Variants in SRSF5 observed in about 807,000 individuals in gnomAD.
SRSF5 encodes the protein serine and arginine rich splicing factor 5.
A neutral mutation model predicts 34.0 loss-of-function variants in SRSF5; 5 were observed. The observed-to-expected ratio is 0.15, with a 90% confidence interval of 0.08 to 0.31. The LOEUF is 0.31. SRSF5 is among the 10% of genes least tolerant of loss of function. The probability of loss-of-function intolerance (pLI) is 1.00; values close to 1 mark genes in which losing one functional copy is unlikely to be tolerated. For missense variants in SRSF5, 223 were observed against 351.4 expected, an observed-to-expected ratio of 0.63 and a Z score of 2.92; for synonymous variants, 164 against 117.7, an observed-to-expected ratio of 1.39 and a Z score of -2.55.
chr14:69,770,334 C>T (rs917639266), intron 5 of SRSF5, 133 bp from the exon 6 acceptor site: 1 of 1,448,076 alleles, frequency 6.9e-7, no homozygotes, highest in Non-Finnish European at 9.1e-7. Flanking sequence ...TGATAGAATA[C>T]AAGTGTGGTA....
intron 2 of SRSF5, 59 bp downstream of exon 2, chr14:69,768,341 T>G: frequency 1.2e-6 from 2 of 1,600,306 alleles, no homozygotes; most frequent in Non-Finnish European, 1.7e-6. Flanking sequence ...GATAAGCAGT[T>G]GTTTTCGATC....
chr14:69,770,185 G>GTT, intron 5 of SRSF5: 6 of 1,092,708 alleles, frequency 5.5e-6, no homozygotes, highest in East Asian at 5.3e-5. Context: ...TTTTTTGTTT[G>GTT]TTTTTTTTTC....
At chr14:69,770,835 G>A in intron 6 of SRSF5, 160 bp from the exon 7 acceptor site, 1 of 721,946 alleles carries the variant, frequency 1.4e-6, no homozygotes, top group Non-Finnish European at 2.3e-6. Context: ...AAGTATAACA[G>A]TGCCAAAACT....
chr14:69,771,651 TTAAA>T lies in SRSF5; in HGVS notation c.*192_*195del. ...AAGGGGTTGTTGAAAACTAATTGTA[TTAAA>T]TGTCTTTTGATAAGCCTTCTGCTCA... On this transcript the variant is annotated 3_prime_UTR_variant, in exon 8 of 8. Transcript: ENST00000557154. The T allele has an allele frequency of 3.1e-6, 2 of 643,994 alleles. No individual in the cohort carries two copies. Among genetic ancestry groups the T allele is most frequent in the Non-Finnish European group, 5.2e-6 (2 of 386,462 alleles). 39.9% of individuals were successfully genotyped at this position (643,994 alleles called of 1,614,324 possible).
At chr14:69,768,039 T>C (rs945795143) in intron 1 of SRSF5, 99 bp from the exon 2 acceptor site, 2 of 1,354,648 alleles carry the variant, frequency 1.5e-6, no homozygotes, top group African/African-American at 1.4e-5. Context: ...ATAACATCAC[T>C]GTGTAAACAT....
At position 69,770,547 on chromosome 14, in the gene SRSF5, A is replaced by T; in HGVS notation, c.440+7A>T. On this transcript the variant is annotated splice_region_variant and intron_variant, in intron 6 of 7. Coordinates refer to ENST00000557154, the MANE Select transcript of SRSF5 (RefSeq NM_001320214.2). ...GACCTAAATTAAATGAAGGGTATGT[A>T]CTGGAAACTGTGAAAGTCTTTAAAA... 6.2e-7 allele frequency: 1 copy of T among 1,609,954 alleles called. No individual in the cohort carries two copies. Among genetic ancestry groups the T allele is most frequent in the Non-Finnish European group, 8.5e-7 (1 of 1,177,814 alleles).
chr14:69,769,817 T>G, intron 5 of SRSF5: 1 of 1,328,114 alleles, frequency 7.5e-7, no homozygotes, highest in Non-Finnish European at 9.6e-7. Context: ...AGGTGGTCGT[T>G]GGAATCCTGA....
intron 5 of SRSF5, chr14:69,769,755 T>TA: frequency 7.3e-7 from 1 of 1,371,704 alleles, no homozygotes; most frequent in African/African-American, 1.5e-5. Flanking sequence ...TGTCTTCCTG[T>TA]AACGCTTCCG....
At chr14:69,770,853 T>G (rs1453511199) in intron 6 of SRSF5, 142 bp from the exon 7 acceptor site, 1 of 811,580 alleles carries the variant, frequency 1.2e-6, no homozygotes, top group Non-Finnish European at 1.9e-6. Flanking sequence ...ACTTTGCTCT[T>G]TTAATGCTGT....
rs757537416 is a variant in SRSF5 at position 69,768,597 on chromosome 14, A to G, written c.127-7A>G. ...CCAATGTTAAGAGTCTTATGCTTAC[A>G]TTTTAGGAATTTGAGGATCCAAGGG... On this transcript the variant is annotated splice_polypyrimidine_tract_variant and splice_region_variant and intron_variant, in intron 2 of 7. Transcript: ENST00000557154. 4 of 1,613,852 alleles carry G rather than the reference A, an allele frequency of 2.5e-6. No homozygotes were observed. Among genetic ancestry groups the G allele is most frequent in the African/African-American group, 2.7e-5 (2 of 74,926 alleles).
At position 69,771,363 on chromosome 14, in the gene SRSF5, A is replaced by C; in HGVS notation, c.721A>C (p.Lys241Gln). The C allele has an allele frequency of 6.2e-7, 1 of 1,614,202 alleles. No individual in the cohort carries two copies. The highest frequency in any genetic ancestry group is 8.5e-7 in the Non-Finnish European group (1 of 1,180,034). ...SRSPVPEKSQ[K>Q]RGSSSRSKSP... is the part of the protein sequence containing the mutation. ...GTCTCCCGTGCCTGAGAAGAGCCAG[A>C]AACGTGGTTCTTCAAGTAGATCTAA... The change falls in exon 8 of 8, where the codon AAA (lysine) becomes CAA (glutamine). Residue 241 changes from lysine (K) to glutamine (Q), a missense_variant. Around this residue, in one of 4 missense-constraint regions of SRSF5, gnomAD observed 115 missense variants for 119.7 expected, o/e 0.96. Coordinates refer to ENST00000557154, the MANE Select transcript of SRSF5 (RefSeq NM_001320214.2).
Position 69,767,146 on chromosome 14 carries a change from G to A in SRSF5, c.-129G>A, listed in dbSNP as rs1431241983. Reference sequence around the variant, plus strand: ...AGCGCCAGAGCTGCTAAGTGCGTCAGTTGTGGAGTGGCGTAGACGAGTTAA... The same window carrying A: ...AGCGCCAGAGCTGCTAAGTGCGTCAATTGTGGAGTGGCGTAGACGAGTTAA... On this transcript the variant is annotated 5_prime_UTR_variant, in exon 1 of 8. Transcript: ENST00000557154. 9 of 318,560 alleles carry A rather than the reference G, an allele frequency of 2.8e-5. No individual in the cohort carries two copies. Among genetic ancestry groups the A allele is most frequent in the East Asian group, 8.5e-5 (1 of 11,768 alleles). The allele number at this position is 318,560 out of a possible 1,614,324, so 19.7% of individuals were successfully genotyped here. A position where few individuals can be genotyped will look rare whatever the true frequency, so the allele number is the denominator to read the frequency against.
Position 69,771,093 on chromosome 14 carries a change from G to A in SRSF5, c.539G>A (p.Ser180Asn). The change falls in exon 7 of 8, where the codon AGC (serine) becomes AAC (asparagine). Residue 180 changes from serine (S) to asparagine (N), a missense_variant. Ser to Asn is a conservative substitution (Grantham distance 46, BLOSUM62 1). Around this residue, in one of 4 missense-constraint regions of SRSF5, gnomAD observed 37 missense variants for 96.7 expected, o/e 0.38. Coordinates refer to ENST00000557154, the MANE Select transcript of SRSF5 (RefSeq NM_001320214.2). ...AGAAAAATAAAATTAATTGAAGGCA[G>A]CAAAAGGCACAGGTATCTCTAATTT... ...NGRKIKLIEG[S>N]KRHSRSRSRS... 6.2e-7 allele frequency: 1 copy of A among 1,613,784 alleles called. No homozygotes were observed. The highest frequency in any genetic ancestry group is 8.5e-7 in the Non-Finnish European group (1 of 1,179,920).
Position 69,770,538 on chromosome 14 carries a change from A to G in SRSF5, c.438A>G (p.Glu146=), listed in dbSNP as rs1351577386. The G allele has an allele frequency of 1.5e-5, 24 of 1,613,414 alleles. No homozygotes were observed. Among genetic ancestry groups the G allele is most frequent in the Non-Finnish European group, 1.8e-5 (21 of 1,179,502 alleles). Reference sequence around the variant, plus strand: ...ATGCACACCGACCTAAATTAAATGAAGGGTATGTACTGGAAACTGTGAAAG... The same window carrying G: ...ATGCACACCGACCTAAATTAAATGAGGGGTATGTACTGGAAACTGTGAAAG... ...FADAHRPKLN[E]GVVEFASYGD... is the part of the protein sequence containing the mutation. The change falls in exon 6 of 8, where the codon GAA becomes GAG. Residue 146 remains glutamate, a splice_region_variant and synonymous_variant. Coordinates refer to ENST00000557154, the MANE Select transcript of SRSF5 (RefSeq NM_001320214.2).
chr14:69,769,661 A>G, intron 5 of SRSF5: 1 of 1,518,462 alleles, frequency 6.6e-7, no homozygotes, highest in South Asian at 1.2e-5. Context: ...GCCGGTCTAG[A>G]CGTTATCGGT....
chr14:69,769,078 C>A (rs1566626507), intron 4 of SRSF5, 104 bp from the exon 5 acceptor site: 2 of 1,406,806 alleles, frequency 1.4e-6, no homozygotes, highest in East Asian at 2.3e-5. Context: ...TGACGGAAGT[C>A]ATTAGAATGG....
chr14:69,767,410 C>T (rs146236447), intron 1 of SRSF5, 155 bp downstream of exon 1: 6,349 of 455,960 alleles, frequency 0.014, 70 homozygotes, highest in Non-Finnish European at 0.021. Flanking sequence ...TCCCTTTTGG[C>T]ATACTGTTTG....
At chr14:69,769,947 G>T in intron 5 of SRSF5, 1 of 1,068,562 alleles carries the variant, frequency 9.4e-7, no homozygotes, top group Non-Finnish European at 1.1e-6. Flanking sequence ...TGTCCTTCAA[G>T]TGGGTGGCGA....
At position 69,771,282 on chromosome 14, in the gene SRSF5, C is replaced by G. The variant is rs201759888; in HGVS notation, c.640C>G (p.Arg214Gly). The change falls in exon 8 of 8, where the codon CGG becomes GGG. Residue 214 changes from arginine to glycine, a missense_variant. Arg to Gly is a moderately radical substitution (Grantham distance 125). Coordinates refer to ENST00000557154, the MANE Select transcript of SRSF5 (RefSeq NM_001320214.2). Reference sequence around the variant, plus strand: ...TTCCCGTAGTCGCAAATCTTACAGCCGGTCAAGAAGCAGGAGCAGGAGCCG... The same window carrying G: ...TTCCCGTAGTCGCAAATCTTACAGCGGGTCAAGAAGCAGGAGCAGGAGCCG... ...SRSRSRKSYS[R>G]SRSRSRSRSR... is the part of the protein sequence containing the mutation. The G allele has an allele frequency of 5.6e-6, 9 of 1,614,034 alleles. No individual in the cohort carries two copies. Among genetic ancestry groups the G allele is most frequent in the Non-Finnish European group, 7.6e-6 (9 of 1,179,972 alleles).
Sources: gnomAD v4.1 joint callset for allele counts on GRCh38, gnomAD v4.1.1 for gene constraint, gnomAD v4.1.1 regional missense constraint, MANE v1.5 for transcripts, NCBI Gene and HGNC (gene_info 2026-07-23, HGNC 2026-07-21) for gene names.